Variants in CDH26 observed in about 807,000 individuals in gnomAD.
CDH26 encodes the protein cadherin-like protein 26.
Under a neutral mutation model 90.3 loss-of-function variants are expected in CDH26, and 83 were observed. That is an observed-to-expected ratio of 0.92 (90% confidence interval 0.77 to 1.10). The LOEUF (loss-of-function observed/expected upper bound fraction) is 1.10. CDH26 is among the 50% of genes least tolerant of loss of function. The pLI, the probability that CDH26 is intolerant of heterozygous loss-of-function variation, is 0.00. For synonymous variants in CDH26, 397 were observed against 396.3 expected (o/e 1.00, Z -0.02); for missense variants, 1,013 against 1,037.6 (o/e 0.98, Z 0.33).
At chr20:60,027,153 C>T (rs1170317467) in intron 7 of CDH26, among the ~76,000 whole-genome samples, 3 of 152,080 alleles carry the variant, frequency 2.0e-5, no homozygotes, top group South Asian at 2.1e-4. Context: ...AGAAGTAGTG[C>T]TGATGTGATC....
chr20:59,991,265 T>G (rs1014566921), intron 9 of CDH26, among the ~76,000 whole-genome samples: 2 of 152,222 alleles, frequency 1.3e-5, no homozygotes, highest in African/African-American at 4.8e-5. Flanking sequence ...TGGCTCATAC[T>G]TAGGTCTCAG....
chr20:59,958,862 C>A, intron 1 of CDH26, 67 bp downstream of exon 1: 2 of 1,511,916 alleles, frequency 1.3e-6, no homozygotes, highest in Non-Finnish European at 1.8e-6. Flanking sequence ...GCTGGCCCTG[C>A]CCCTTCTAGG....
chr20:59,988,687 C>A (rs745954360), intron 8 of CDH26, among the ~76,000 whole-genome samples: 3 of 151,922 alleles, frequency 2.0e-5, no homozygotes, highest in Non-Finnish European at 4.4e-5. Context: ...TCTTTTCAAC[C>A]AGCAGAGGAG....
Position 59,987,567 on chromosome 20 carries a change from G to C in CDH26, c.952G>C (p.Gly318Arg), listed in dbSNP as rs1293409513. The C allele has an allele frequency of 5.6e-6, 9 of 1,613,844 alleles. No individual in the cohort carries two copies. The highest frequency in any genetic ancestry group is 7.6e-6 in the Non-Finnish European group (9 of 1,179,932). ...AWRAKFNILH[G>R]NEEGHFDIST... ...GAGAGCAAAATTCAACATATTGCAT[G>C]GCAATGAAGAGGGGCATTTTGACAT... Residue 318 changes from glycine to arginine, a missense_variant, in exon 8 of 18, where the codon GGC becomes CGC. Transcript: ENST00000348616.
chr20:59,989,142 T>C lies in CDH26; in HGVS notation c.1262T>C (p.Met421Thr), dbSNP rs779944772. ...PGTLLGTFNA[M>T]DPDSQIRYEL... ...ACCCTGTTGGGAACTTTTAATGCCA[T>C]GGATCCAGACAGCCAGATAAGGTGA... Residue 421 changes from methionine (M) to threonine (T), a missense_variant, in exon 9 of 18, where the codon ATG becomes ACG. Transcript: ENST00000348616. 5 of 1,614,118 alleles carry C rather than the reference T, an allele frequency of 3.1e-6. No homozygotes were observed. The highest frequency in any genetic ancestry group is 4.2e-6 in the Non-Finnish European group (5 of 1,180,018).
chr20:60,024,606 G>T (rs1296746486), intron 7 of CDH26, among the ~76,000 whole-genome samples: 2 of 152,178 alleles, frequency 1.3e-5, no homozygotes, highest in African/African-American at 4.8e-5. Context: ...TCTAGAGTCA[G>T]ATGCAGTGAT....
At position 59,958,487 on chromosome 20, in the gene CDH26, A is replaced by G. The variant is rs1331917421; in HGVS notation, c.-240A>G. ...AGTTTCTACCCCACCCTTCCTAGGA[A>G]CTCTACTTGTGGCAAACGTATGTTC... is the stretch of plus-strand genomic sequence containing the variant. On this transcript the variant is annotated 5_prime_UTR_variant, in exon 1 of 18. Coordinates refer to ENST00000348616, the MANE Select transcript of CDH26 (RefSeq NM_177980.4). 1 of 521,954 alleles carries G rather than the reference A, an allele frequency of 1.9e-6. No individual in the cohort carries two copies. The highest frequency in any genetic ancestry group is 3.4e-6 in the Non-Finnish European group (1 of 290,926). The allele number at this position is 521,954 out of a possible 1,614,324, so 32.3% of individuals were successfully genotyped here. A position where few individuals can be genotyped will look rare whatever the true frequency, so the allele number is the denominator to read the frequency against.
chr20:60,001,478 G>T, intron 15 of CDH26, 67 bp downstream of exon 15: 1 of 1,578,398 alleles, frequency 6.3e-7, no homozygotes, highest in Non-Finnish European at 8.6e-7. Flanking sequence ...GTCCCCCTGA[G>T]AGAGGGCCGT....
At chr20:60,027,248 G>C (rs1029300236) in intron 7 of CDH26, among the ~76,000 whole-genome samples, 1 of 152,106 alleles carries the variant, frequency 6.6e-6, no homozygotes, top group South Asian at 2.1e-4. Flanking sequence ...GAAGGACAGT[G>C]GTGGGAGGGT....
At chr20:60,027,698 G>A (rs7274667) in intron 7 of CDH26, among the ~76,000 whole-genome samples, 55,379 of 152,116 alleles carry the variant, frequency 0.36, 11,059 homozygotes, top group Non-Finnish European at 0.44. Flanking sequence ...GCCGACAGCA[G>A]GATCTGCAGT....
intron 3 of CDH26, among the ~76,000 whole-genome samples, chr20:59,971,455 TA>T (rs767884059): frequency 1.1e-4 from 17 of 152,384 alleles, no homozygotes; most frequent in Non-Finnish European, 2.2e-4. Context: ...AAGCTCTTTC[TA>T]AATGTTAGTT....
rs770853281 is a variant in CDH26 at position 59,988,929 on chromosome 20, C to T, written c.1049C>T (p.Ala350Val). Reference sequence around the variant, plus strand: ...CCTTTGGATTATGAGACTCGCCCAGCGCAAAGCCTCATCATTGTCGTGGAG... The same window carrying T: ...CCTTTGGATTATGAGACTCGCCCAGTGCAAAGCCTCATCATTGTCGTGGAG... ...IKPLDYETRP[A>V]QSLIIVVENE... Residue 350 changes from alanine to valine, a missense_variant, in exon 9 of 18, where the codon GCG (alanine) becomes GTG (valine). Physicochemically the swap from Ala to Val is moderately conservative, Grantham distance 64 (BLOSUM62 0). Coordinates refer to ENST00000348616, the MANE Select transcript of CDH26 (RefSeq NM_177980.4). 6.2e-6 allele frequency: 10 copies of T among 1,613,982 alleles called. No individual in the cohort carries two copies. Among genetic ancestry groups the T allele is most frequent in the Non-Finnish European group, 4.2e-6 (5 of 1,180,040 alleles).
chr20:59,969,065 T>C (rs1253467343), intron 2 of CDH26, 42 bp downstream of exon 2: 36 of 1,265,716 alleles, frequency 2.8e-5, no homozygotes, highest in Non-Finnish European at 4.0e-5. Context: ...AAAATCAGTC[T>C]CTACACTTGA....
chr20:60,012,823 A>C lies in CDH26; in HGVS notation c.*93A>C. 8.3e-7 allele frequency: 1 copy of C among 1,205,786 alleles called. No homozygotes were observed. The highest frequency in any genetic ancestry group is 1.2e-6 in the Non-Finnish European group (1 of 854,740). 74.7% of individuals were successfully genotyped at this position (1,205,786 alleles called of 1,614,324 possible). On this transcript the variant is annotated 3_prime_UTR_variant, in exon 18 of 18. Transcript: ENST00000348616. Reference sequence around the variant, plus strand: ...CCTTTGCTCTTCTTTTCCCTCCTTAAAAGAAAAATTACCTTCTAGTCCTAG... The same window carrying C: ...CCTTTGCTCTTCTTTTCCCTCCTTACAAGAAAAATTACCTTCTAGTCCTAG...
intron 8 of CDH26, among the ~76,000 whole-genome samples, chr20:60,032,695 G>T (rs1457624041): frequency 4.6e-5 from 7 of 152,062 alleles, no homozygotes; most frequent in Non-Finnish European, 1.0e-4. Flanking sequence ...CATGTCCTTT[G>T]TAGGGACATG....
chr20:59,962,423 T>C (rs1340238473), intron 1 of CDH26, among the ~76,000 whole-genome samples: 1 of 152,216 alleles, frequency 6.6e-6, no homozygotes, highest in Non-Finnish European at 1.5e-5. Flanking sequence ...GGTGGGTTGC[T>C]GGCAATCCCA....
chr20:60,018,545 A>T (rs554333357), downstream of CDH26, among the ~76,000 whole-genome samples: 6 of 151,964 alleles, frequency 3.9e-5, no homozygotes, highest in African/African-American at 1.4e-4. Flanking sequence ...GTTATTTTAA[A>T]ATTCATCCAG....
At chr20:59,967,951 CTTT>C (rs1569024683) in intron 1 of CDH26, among the ~76,000 whole-genome samples, 3 of 83,990 alleles carry the variant, frequency 3.6e-5, no homozygotes, top group African/African-American at 1.5e-4. Context: ...TTCTTTCTTT[CTTT>C]CTATCTTTCT....
intron 4 of CDH26, among the ~76,000 whole-genome samples, chr20:59,976,684 G>A (rs1205873373): frequency 6.6e-6 from 1 of 152,174 alleles, no homozygotes; most frequent in East Asian, 1.9e-4. Context: ...GACTAGCTCA[G>A]TGGTAGAAGC....
Sources: allele counts gnomAD v4.1 joint callset (sites outside exome capture counted in the v4.1 genomes callset), GRCh38; gene constraint gnomAD v4.1.1; transcripts MANE v1.5; gene names NCBI Gene and HGNC (gene_info 2026-07-23, HGNC 2026-07-21).